SHISA9: variants seen among roughly 807,000 people sequenced by gnomAD.
The protein encoded by SHISA9 is shisa family member 9.
SHISA9 carries 13 observed loss-of-function variants against 38.0 expected under a neutral mutation model. That is an observed-to-expected ratio of 0.34 (90% CI 0.22 to 0.54). The LOEUF (loss-of-function observed/expected upper bound fraction) is 0.54, where lower values mean the gene tolerates loss of function less well. Among genes scored for constraint, SHISA9 ranks in the 20% least tolerant of loss-of-function variants. The probability of loss-of-function intolerance (pLI) is 0.91; values close to 1 mark genes in which losing one functional copy is unlikely to be tolerated. For missense variants in SHISA9, 538 were observed against 575.8 expected, an observed-to-expected ratio of 0.93 and a Z score of 0.67; for synonymous variants, 275 against 242.0, an observed-to-expected ratio of 1.14 and a Z score of -1.27.
intron 2 of SHISA9, among the ~76,000 whole-genome samples, chr16:13,145,803 C>A (rs1294340661): frequency 6.6e-6 from 1 of 152,172 alleles, no homozygotes; most frequent in African/African-American, 2.4e-5. Context: ...GTGTGCCAGG[C>A]ATTGTTCTAA....
chr16:13,251,759 C>T, the SHISA9 span, among the ~76,000 whole-genome samples: 8 of 152,270 alleles, frequency 5.3e-5, no homozygotes, highest in Non-Finnish European at 1.2e-4. Context: ...CAGTACCTTG[C>T]TCAAGTTCTG....
At chr16:13,093,384 A>G (rs1389232221) in intron 2 of SHISA9, among the ~76,000 whole-genome samples, 2 of 152,180 alleles carry the variant, frequency 1.3e-5, no homozygotes, top group Non-Finnish European at 2.9e-5. Flanking sequence ...ATAAAGTGGG[A>G]TTGATGATAA....
At chr16:13,192,874 C>G (rs766906421) in intron 2 of SHISA9, among the ~76,000 whole-genome samples, 1 of 140,326 alleles carries the variant, frequency 7.1e-6, no homozygotes, top group African/African-American at 2.7e-5. Context: ...GACTCCATCT[C>G]AAAAAAAAGA....
chr16:13,024,308 T>G lies in SHISA9; in HGVS notation c.691+107493T>G, dbSNP rs531565391. Among the ~76,000 whole-genome samples, 362 of 152,272 alleles carry G rather than the reference T, an allele frequency of 2.4e-3. 1 individual carries two copies. Among genetic ancestry groups the G allele is most frequent in the African/African-American group, 8.1e-3 (336 of 41,550 alleles). On this transcript the variant is annotated intron_variant, in intron 2 of 4. Transcript: ENST00000558583. Reference sequence around the variant, plus strand: ...AACATCTCATTTGCAACAGAGAAGGTGTCATTGCTCTTCCTGGGCTTCCAA... The same window carrying G: ...AACATCTCATTTGCAACAGAGAAGGGGTCATTGCTCTTCCTGGGCTTCCAA...
chr16:12,912,024 A>T (rs2071190565), intron 1 of SHISA9, among the ~76,000 whole-genome samples: 3 of 152,222 alleles, frequency 2.0e-5, no homozygotes, highest in Admixed American at 2.0e-4. Flanking sequence ...CATCCCAGCG[A>T]CGGGACTGCT....
chr16:13,527,368 C>T, the SHISA9 span, among the ~76,000 whole-genome samples: 265 of 152,246 alleles, frequency 1.7e-3, 4 homozygotes, highest in East Asian at 0.036. Context: ...AGTCTTTAGA[C>T]GCAGATAATT....
intron 2 of SHISA9, among the ~76,000 whole-genome samples, chr16:13,107,334 C>G (rs1301364362): frequency 6.6e-6 from 1 of 151,982 alleles, no homozygotes; most frequent in Non-Finnish European, 1.5e-5. Context: ...ACTTGGGAGG[C>G]TGAGGCAGGA....
rs2051014697 is a variant in SHISA9 at position 13,202,404 on chromosome 16, T to C, written c.692-990T>C. On this transcript the variant is annotated intron_variant, in intron 2 of 4. Transcript: ENST00000558583. ...AGATCTCAGCTCAGAAAAACCTTCC[T>C]GAATCTCTCTTTCCTTGAATCTCAT... is the stretch of plus-strand genomic sequence containing the variant. Among the ~76,000 whole-genome samples, 2 of 133,100 alleles carry C rather than the reference T, an allele frequency of 1.5e-5. 1 individual carries two copies. The allele number at this position is 133,100 out of a possible 152,430, so 87.3% of individuals were successfully genotyped here.
the SHISA9 span, among the ~76,000 whole-genome samples, chr16:13,464,631 C>T: frequency 2.0e-5 from 3 of 152,132 alleles, no homozygotes; most frequent in African/African-American, 7.2e-5. Flanking sequence ...TTTGCTTTCC[C>T]TGATTAGAGC....
chr16:13,111,554 C>T (rs1221544923), intron 2 of SHISA9, among the ~76,000 whole-genome samples: 22 of 152,142 alleles, frequency 1.4e-4, no homozygotes, highest in Admixed American at 1.4e-3. Context: ...CTGTGTAAGA[C>T]ACTTAGCATA....
the SHISA9 span, among the ~76,000 whole-genome samples, chr16:13,367,359 G>GGGTA: frequency 1.3e-5 from 2 of 148,208 alleles, no homozygotes; most frequent in East Asian, 4.0e-4. Flanking sequence ...TGCCACCCAC[G>GGGTA]GGTACCATTT....
chr16:13,044,608 G>A (rs1013276472), intron 2 of SHISA9, among the ~76,000 whole-genome samples: 11 of 152,168 alleles, frequency 7.2e-5, no homozygotes, highest in Admixed American at 6.6e-4. Flanking sequence ...AAGCACCGTG[G>A]GGCTCAGACC....
At chr16:13,318,419 T>A in the SHISA9 span, among the ~76,000 whole-genome samples, 1 of 151,958 alleles carries the variant, frequency 6.6e-6, no homozygotes, top group Non-Finnish European at 1.5e-5. Context: ...ACCTCCTGGG[T>A]TCAAGTGATT....
the SHISA9 span, among the ~76,000 whole-genome samples, chr16:13,265,733 G>C: frequency 6.6e-6 from 1 of 151,858 alleles, no homozygotes. Flanking sequence ...AAACCAATGA[G>C]ACACTTTTCC....
rs774972106 is a variant in SHISA9 at position 12,902,049 on chromosome 16, C to G, written c.-16C>G. 6.9e-7 allele frequency: 1 copy of G among 1,455,094 alleles called. No homozygotes were observed. Among genetic ancestry groups the G allele is most frequent in the South Asian group, 1.3e-5 (1 of 75,056 alleles). 90.1% of individuals were successfully genotyped at this position (1,455,094 alleles called of 1,614,324 possible). On this transcript the variant is annotated 5_prime_UTR_variant, in exon 1 of 5. Coordinates refer to ENST00000558583, the MANE Select transcript of SHISA9 (RefSeq NM_001145204.3). ...CCAGCGGCGGCCGAGCGGCCGAGCC[C>G]GGGCTGGGAGACACCATGCGCCGCG...
the SHISA9 span, among the ~76,000 whole-genome samples, chr16:13,373,641 A>C: frequency 6.6e-6 from 1 of 152,066 alleles, no homozygotes; most frequent in Non-Finnish European, 1.5e-5. Context: ...GGGCGCCTGT[A>C]GTCCTAGCTA....
At chr16:13,415,689 A>C in the SHISA9 span, among the ~76,000 whole-genome samples, 1 of 152,192 alleles carries the variant, frequency 6.6e-6, no homozygotes, top group Non-Finnish European at 1.5e-5. Flanking sequence ...TATCTAGAAA[A>C]CAGAATGGAT....
At chr16:13,032,518 A>AT (rs1567188933) in intron 2 of SHISA9, among the ~76,000 whole-genome samples, 1 of 152,080 alleles carries the variant, frequency 6.6e-6, no homozygotes, top group African/African-American at 2.4e-5. Flanking sequence ...CCCTAACCTC[A>AT]TTTCCCCATA....
chr16:12,920,594 A>G (rs538732494), intron 2 of SHISA9, among the ~76,000 whole-genome samples: 18 of 152,286 alleles, frequency 1.2e-4, no homozygotes, highest in Admixed American at 7.8e-4. Flanking sequence ...GCCTGTATGG[A>G]AACATCTCAT....
Sources: allele counts gnomAD v4.1 joint callset (sites outside exome capture counted in the v4.1 genomes callset), GRCh38; gene constraint gnomAD v4.1.1; transcripts MANE v1.5; gene names NCBI Gene and HGNC (gene_info 2026-07-23, HGNC 2026-07-21).